ARID4A: variants seen among roughly 807,000 people sequenced by gnomAD.
The protein encoded by ARID4A is AT-rich interaction domain 4A.
In ARID4A, 39 loss-of-function variants were observed where a neutral mutation model predicts 148.6. The ratio of observed to expected loss-of-function variants is 0.26; its 90% CI spans 0.20 to 0.34. The LOEUF is 0.34. ARID4A is among the 10% of genes least tolerant of loss of function. The pLI is 1.00. For missense variants in ARID4A, 1,265 were observed against 1,449.1 expected (o/e 0.87, Z 2.06); for synonymous variants, 475 against 481.2 (o/e 0.99, Z 0.17).
At chr14:58,311,962 C>A (rs768636124) in intron 5 of ARID4A, among the ~76,000 whole-genome samples, 15 of 151,930 alleles carry the variant, frequency 9.9e-5, no homozygotes, top group South Asian at 6.2e-4. Context: ...AGGTAAATGT[C>A]GGTTAAATGA....
At chr14:58,312,099 A>G (rs945395395) in intron 5 of ARID4A, among the ~76,000 whole-genome samples, 2 of 152,214 alleles carry the variant, frequency 1.3e-5, no homozygotes, top group Admixed American at 1.3e-4. Context: ...TTCTCACCAC[A>G]CACAAAAAAA....
intron 5 of ARID4A, among the ~76,000 whole-genome samples, chr14:58,317,326 A>ACC (rs2032503918): frequency 7.5e-6 from 1 of 133,972 alleles, no homozygotes; most frequent in Non-Finnish European, 1.6e-5. Flanking sequence ...GCTCTGTCGT[A>ACC]GAGGCTGGAG....
intron 11 of ARID4A, among the ~76,000 whole-genome samples, chr14:58,340,619 G>C (rs1357041452): frequency 6.6e-6 from 1 of 152,144 alleles, no homozygotes; most frequent in Non-Finnish European, 1.5e-5. Flanking sequence ...CAAAGTGCTG[G>C]GATTACAGGC....
chr14:58,308,892 CAAG>C (rs1176330008), intron 5 of ARID4A, among the ~76,000 whole-genome samples: 2 of 152,032 alleles, frequency 1.3e-5, no homozygotes, highest in Non-Finnish European at 2.9e-5. Flanking sequence ...AAAAATAAAA[CAAG>C]AGGATACCAC....
At chr14:58,336,561 T>C (rs1310698345) in intron 11 of ARID4A, among the ~76,000 whole-genome samples, 1 of 72,836 alleles carries the variant, frequency 1.4e-5, no homozygotes, top group African/African-American at 4.7e-5. Flanking sequence ...TAAGGTGTTG[T>C]GACAAAATAT....
chr14:58,330,100 T>A lies in ARID4A; in HGVS notation c.837T>A (p.Asp279Glu). ...SEILESSSSD[D>E]EDGPAEENDE... is the part of the protein sequence containing the mutation. ...TCCTTGAGTCATCCAGTAGTGATGA[T>A]GAAGATGGCCCAGCTGAAGAAAATG... The change falls in exon 11 of 24, where the codon GAT becomes GAA. Residue 279 changes from aspartate (D) to glutamate (E), a missense_variant. By Grantham distance (45) the Asp-to-Glu change is conservative. Around this residue, in one of 9 missense-constraint regions of ARID4A, gnomAD observed 249 missense variants for 277.2 expected, o/e 0.90. Transcript: ENST00000355431. The A allele has an allele frequency of 6.2e-7, 1 of 1,613,480 alleles. No homozygotes were observed. The highest frequency in any genetic ancestry group is 1.1e-5 in the South Asian group (1 of 90,986).
At position 58,353,635 on chromosome 14, in the gene ARID4A, A is replaced by G. The variant is rs114096109; in HGVS notation, c.1656-23A>G. The G allele has an allele frequency of 8.6e-4, 1,370 of 1,592,798 alleles. 6 individuals carry two copies. In the African/African-American group the frequency reaches 0.012, roughly 14 times the overall value. ...TCTCCATTAAGTTATTAGTAGCATTATCAGTATTATAACTTACTGCAGGGA... is the reference window on the plus strand; with the variant it reads ...TCTCCATTAAGTTATTAGTAGCATTGTCAGTATTATAACTTACTGCAGGGA... On this transcript the variant is annotated intron_variant, in intron 16 of 23. Transcript: ENST00000355431.
At chr14:58,362,599 C>T (rs1369197194) in intron 19 of ARID4A, among the ~76,000 whole-genome samples, 1 of 151,842 alleles carries the variant, frequency 6.6e-6, no homozygotes, top group East Asian at 2.0e-4. Context: ...ACTCTGTTGC[C>T]CAGGCTGGAG....
chr14:58,330,316 A>G (rs2033451446), intron 11 of ARID4A, 147 bp downstream of exon 11: 64 of 1,125,778 alleles, frequency 5.7e-5, no homozygotes, highest in Non-Finnish European at 7.5e-5. Flanking sequence ...TTGAGGAAGC[A>G]TTTTGGCTCA....
At chr14:58,325,268 A>G (rs2033148156) in intron 8 of ARID4A, among the ~76,000 whole-genome samples, 1 of 152,026 alleles carries the variant, frequency 6.6e-6, no homozygotes, top group African/African-American at 2.4e-5. Context: ...GGTTTCTCTT[A>G]AATACTCTTG....
At chr14:58,347,585 A>G in intron 14 of ARID4A, 62 bp from the exon 15 acceptor site, 1 of 1,289,776 alleles carries the variant, frequency 7.8e-7, no homozygotes, top group Non-Finnish European at 1.1e-6. Flanking sequence ...GTGTTTAATA[A>G]CATGAATTCA....
chr14:58,325,447 C>A (rs76352643), intron 8 of ARID4A, among the ~76,000 whole-genome samples: 1 of 152,052 alleles, frequency 6.6e-6, no homozygotes, highest in Non-Finnish European at 1.5e-5. Flanking sequence ...CCACACCTGG[C>A]TAATTTTTGT....
chr14:58,328,126 TAAAA>T, intron 8 of ARID4A, 107 bp from the exon 9 acceptor site: 1 of 741,688 alleles, frequency 1.3e-6, no homozygotes. Context: ...CTGTTTTTTG[TAAAA>T]TATAATCTAT....
intron 5 of ARID4A, among the ~76,000 whole-genome samples, chr14:58,306,860 CAG>C (rs1001878204): frequency 2.6e-5 from 4 of 152,182 alleles, no homozygotes; most frequent in African/African-American, 7.2e-5. Flanking sequence ...GCCTGGGCGA[CAG>C]AGTGAGATTT....
chr14:58,341,055 A>T (rs1039200682), intron 11 of ARID4A, among the ~76,000 whole-genome samples: 6 of 151,604 alleles, frequency 4.0e-5, no homozygotes, highest in African/African-American at 1.5e-4. Flanking sequence ...CCATCCCTCC[A>T]TCAGTCTCTC....
chr14:58,345,422 A>G (rs1290833927), intron 12 of ARID4A, among the ~76,000 whole-genome samples: 2 of 152,224 alleles, frequency 1.3e-5, no homozygotes, highest in Non-Finnish European at 2.9e-5. Flanking sequence ...AATAAACTAG[A>G]TAAACTAGCC....
chr14:58,304,997 G>T lies in ARID4A; in HGVS notation c.171G>T (p.Lys57Asn). 1 of 1,605,484 alleles carries T rather than the reference G, an allele frequency of 6.2e-7. No homozygotes were observed. Among genetic ancestry groups the T allele is most frequent in the Non-Finnish European group, 8.5e-7 (1 of 1,176,736 alleles). The change falls in exon 4 of 24, where the codon AAG (lysine) becomes AAT (asparagine). Residue 57 changes from lysine to asparagine, a missense_variant. Lys to Asn is a moderately conservative substitution (Grantham distance 94). Around this residue, in one of 9 missense-constraint regions of ARID4A, gnomAD observed 59 missense variants for 49.8 expected, o/e 1.18. Coordinates refer to ENST00000355431, the MANE Select transcript of ARID4A (RefSeq NM_002892.4). ...AATTGGTACAAGATGACCAAGTAAA[G>T]GGTCCTTTAAGAGTATGTATGTTGT... ...TTQLVQDDQV[K>N]GPLRVGAIVE... is the part of the protein sequence containing the mutation.
rs757794684 is a variant in ARID4A, at chr14:58,364,444, A to C, written c.2355A>C (p.Glu785Asp). The change falls in exon 20 of 24, where the codon GAA (glutamate) becomes GAC (aspartate). Residue 785 changes from glutamate (E) to aspartate (D), a missense_variant. This residue lies in a region of ARID4A where 666 missense variants were observed against 730.9 expected (regional missense o/e 0.91). Coordinates refer to ENST00000355431, the MANE Select transcript of ARID4A (RefSeq NM_002892.4). ...KMEKTEEVKK[E>D]AEKSPKGKGR... Reference sequence around the variant, plus strand: ...AAAAAACAGAAGAAGTTAAGAAAGAAGCCGAAAAATCTCCAAAAGGAAAGG... The same window carrying C: ...AAAAAACAGAAGAAGTTAAGAAAGACGCCGAAAAATCTCCAAAAGGAAAGG... 1 of 1,613,372 alleles carries C rather than the reference A, an allele frequency of 6.2e-7. No homozygotes were observed. Among genetic ancestry groups the C allele is most frequent in the South Asian group, 1.1e-5 (1 of 90,872 alleles).
At chr14:58,337,262 A>G (rs1307869741) in intron 11 of ARID4A, among the ~76,000 whole-genome samples, 2 of 136,090 alleles carry the variant, frequency 1.5e-5, no homozygotes, top group East Asian at 2.1e-4. Flanking sequence ...ATATATATAT[A>G]TATATAATTA....
Sources: allele counts gnomAD v4.1 joint callset (sites outside exome capture counted in the v4.1 genomes callset), GRCh38; gene constraint gnomAD v4.1.1; regional missense constraint gnomAD v4.1.1; transcripts MANE v1.5; gene names NCBI Gene and HGNC (gene_info 2026-07-23, HGNC 2026-07-21).